LRBA: variants seen among roughly 807,000 people sequenced by gnomAD.
The protein encoded by LRBA is LPS responsive beige-like anchor protein, also known as lipopolysaccharide-responsive and beige-like anchor protein.
In LRBA, 176 loss-of-function variants were observed where a neutral mutation model predicts 330.0. The observed-to-expected ratio is 0.53, with a 90% confidence interval of 0.47 to 0.60. The LOEUF is 0.60. Among genes scored for constraint, LRBA ranks in the 20% least tolerant of loss-of-function variants. The probability of loss-of-function intolerance (pLI) is 0.00; values close to 1 mark genes in which losing one functional copy is unlikely to be tolerated. For missense variants in LRBA, 3,259 were observed against 3,444.8 expected, an observed-to-expected ratio of 0.95 and a Z score of 1.35; for synonymous variants, 1,230 against 1,193.0, an observed-to-expected ratio of 1.03 and a Z score of -0.64.
In LRBA at chr4:150,697,325, G is replaced by GAAAAAAAAAAAAA. The variant is rs60145657; in HGVS notation, c.5755-13621_5755-13609dup. ...GGTGACAGAGTGAGACTTTGTCTCAGAAAAAAAAAAAAAAAAAAAAAAAAA... is the reference window on the plus strand; with the variant it reads ...GGTGACAGAGTGAGACTTTGTCTCAGAAAAAAAAAAAAAAAAAAAAAAAAAAAAAAAAAAAAAA... On this transcript the variant is annotated intron_variant, in intron 36 of 56. Coordinates refer to ENST00000651943, the MANE Select transcript of LRBA (RefSeq NM_001364905.1). Among the ~76,000 whole-genome samples the GAAAAAAAAAAAAA allele has an allele frequency of 7.4e-3, 207 of 28,048 alleles. 66 individuals are homozygous for GAAAAAAAAAAAAA. Among genetic ancestry groups the GAAAAAAAAAAAAA allele is most frequent in the African/African-American group, 0.01 (78 of 7,598 alleles). The allele number at this position is 28,048 out of a possible 152,430, so 18.4% of individuals were successfully genotyped here.
chr4:150,269,084 C>T (rs1560938903), intron 56 of LRBA, among the ~76,000 whole-genome samples: 1 of 152,092 alleles, frequency 6.6e-6, no homozygotes, highest in African/African-American at 2.4e-5. Flanking sequence ...TATACACTAA[C>T]AAACAATGAG....
chr4:150,761,000 A>G (rs1306714950), intron 35 of LRBA, among the ~76,000 whole-genome samples: 1 of 152,166 alleles, frequency 6.6e-6, no homozygotes, highest in African/African-American at 2.4e-5. Flanking sequence ...GATAGGGTCA[A>G]TCTTCCAACA....
intron 36 of LRBA, among the ~76,000 whole-genome samples, chr4:150,721,792 T>C (rs966677021): frequency 4.6e-5 from 7 of 152,056 alleles, no homozygotes; most frequent in African/African-American, 1.4e-4. Flanking sequence ...AATTTTCGTA[T>C]TTTTGGTAGA....
chr4:150,744,528 T>C (rs1732435597), intron 35 of LRBA, among the ~76,000 whole-genome samples: 1 of 152,250 alleles, frequency 6.6e-6, no homozygotes, highest in African/African-American at 2.4e-5. Context: ...TATAACTGAA[T>C]AAATCTTCTG....
At chr4:150,342,931 T>C (rs1285732459) in intron 48 of LRBA, among the ~76,000 whole-genome samples, 1 of 152,066 alleles carries the variant, frequency 6.6e-6, no homozygotes, top group Non-Finnish European at 1.5e-5. Flanking sequence ...ACCATGATTG[T>C]GGTTTTGCAG....
At chr4:150,728,681 G>T (rs961690154) in intron 36 of LRBA, among the ~76,000 whole-genome samples, 1 of 148,428 alleles carries the variant, frequency 6.7e-6, no homozygotes, top group Non-Finnish European at 1.5e-5. Context: ...AAAAAAAAAC[G>T]TGATACAAAT....
intron 56 of LRBA, among the ~76,000 whole-genome samples, chr4:150,268,511 A>G (rs1017332602): frequency 1.3e-5 from 2 of 152,260 alleles, no homozygotes; most frequent in African/African-American, 4.8e-5. Context: ...ACAAAATACT[A>G]GCAAACTGAA....
chr4:150,703,294 G>C (rs1785294010), intron 36 of LRBA, among the ~76,000 whole-genome samples: 1 of 152,182 alleles, frequency 6.6e-6, no homozygotes, highest in African/African-American at 2.4e-5. Flanking sequence ...GATACAAACA[G>C]AAGGTAATTT....
chr4:150,375,649 G>A (rs567738129), intron 47 of LRBA, among the ~76,000 whole-genome samples: 3 of 148,596 alleles, frequency 2.0e-5, no homozygotes, highest in Non-Finnish European at 4.5e-5. Context: ...ATTTTTAGTA[G>A]AGACGGGATT....
chr4:150,637,294 C>T (rs184340223), intron 37 of LRBA, among the ~76,000 whole-genome samples: 1 of 152,120 alleles, frequency 6.6e-6, no homozygotes, highest in Non-Finnish European at 1.5e-5. Context: ...TTGATCTATA[C>T]AGCTATCCTA....
chr4:150,792,352 C>A (rs1740072168), intron 34 of LRBA, among the ~76,000 whole-genome samples: 1 of 151,996 alleles, frequency 6.6e-6, no homozygotes, highest in African/African-American at 2.4e-5. Flanking sequence ...TCACTGGCAA[C>A]TTGAGGTGAC....
intron 37 of LRBA, among the ~76,000 whole-genome samples, chr4:150,630,915 T>C (rs1236586791): frequency 6.6e-6 from 1 of 152,084 alleles, no homozygotes; most frequent in African/African-American, 2.4e-5. Context: ...TAACCACCTA[T>C]AAAAACTCTT....
chr4:150,580,764 G>A (rs1016515132), intron 40 of LRBA: 1 of 152,080 alleles, frequency 6.6e-6, no homozygotes, highest in Non-Finnish European at 1.5e-5. Flanking sequence ...GTATGGAAAG[G>A]CTACAGTGGG....
intron 42 of LRBA, among the ~76,000 whole-genome samples, chr4:150,478,001 G>C (rs555538252): frequency 1.2e-4 from 19 of 152,148 alleles, no homozygotes; most frequent in African/African-American, 4.3e-4. Context: ...CCTGTCTTTT[G>C]AGCCACTCCT....
intron 56 of LRBA, among the ~76,000 whole-genome samples, chr4:150,273,738 G>C (rs565591332): frequency 6.6e-6 from 1 of 152,138 alleles, no homozygotes; most frequent in East Asian, 1.9e-4. Flanking sequence ...TAATGGTAAA[G>C]GGATCAATGC....
In LRBA at chr4:150,639,358, A is replaced by AAT. The variant is rs1778269412; in HGVS notation, c.5922-40229_5922-40228dup. Among the ~76,000 whole-genome samples, 5 of 77,406 alleles carry AAT rather than the reference A, an allele frequency of 6.5e-5. No individual in the cohort carries two copies. The East Asian group carries it at 1.1e-3, about 17-fold the overall frequency. 50.8% of individuals were successfully genotyped at this position (77,406 alleles called of 152,430 possible). Reference sequence around the variant, plus strand: ...ACATGTACCCTAAAACTTAAAGTATAATAAAAAAAAAAAAGAAAAAAAAAA... The same window carrying AAT: ...ACATGTACCCTAAAACTTAAAGTATAATATAAAAAAAAAAAAGAAAAAAAAAA... On this transcript the variant is annotated intron_variant, in intron 37 of 56. Coordinates refer to ENST00000651943, the MANE Select transcript of LRBA (RefSeq NM_001364905.1).
At chr4:151,004,224 A>G (rs1743749820) in intron 2 of LRBA, among the ~76,000 whole-genome samples, 1 of 152,066 alleles carries the variant, frequency 6.6e-6, no homozygotes, top group Non-Finnish European at 1.5e-5. Context: ...TTTAGTAGAG[A>G]GGGGGTTTCA....
intron 30 of LRBA, among the ~76,000 whole-genome samples, chr4:150,822,792 T>C (rs922506353): frequency 1.2e-4 from 18 of 152,176 alleles, no homozygotes; most frequent in African/African-American, 4.3e-4. Flanking sequence ...CCAGGCGCAG[T>C]GGCTGATGCC....
intron 37 of LRBA, among the ~76,000 whole-genome samples, chr4:150,676,560 G>A (rs1223337843): frequency 6.6e-6 from 1 of 152,172 alleles, no homozygotes; most frequent in Non-Finnish European, 1.5e-5. Context: ...ACAGGGTCCT[G>A]AAGTAGAAGC....
Sources: allele counts gnomAD v4.1 joint callset (sites outside exome capture counted in the v4.1 genomes callset), GRCh38; gene constraint gnomAD v4.1.1; transcripts MANE v1.5; gene names NCBI Gene and HGNC (gene_info 2026-07-23, HGNC 2026-07-21).